The following PRSS23 variants were observed in gnomAD, a reference collection of about 807,000 sequenced individuals.
PRSS23 encodes the protein serine protease 23.
A neutral mutation model predicts 34.7 loss-of-function variants in PRSS23; 25 were observed. The observed-to-expected ratio is 0.72, with a 90% confidence interval of 0.53 to 1.01. The LOEUF (loss-of-function observed/expected upper bound fraction) is 1.01, where lower values mean the gene tolerates loss of function less well. PRSS23 is among the 50% of genes least tolerant of loss of function. The probability of loss-of-function intolerance (pLI) is 0.00; values close to 1 mark genes in which losing one functional copy is unlikely to be tolerated. For synonymous variants in PRSS23, 176 were observed against 186.6 expected, an observed-to-expected ratio of 0.94 and a Z score of 0.46; for missense variants, 445 against 475.6, an observed-to-expected ratio of 0.94 and a Z score of 0.60.
At chr11:86,907,227 G>T (rs113869541) in intron 2 of PRSS23, among the ~76,000 whole-genome samples, 1 of 152,228 alleles carries the variant, frequency 6.6e-6, no homozygotes, top group African/African-American at 2.4e-5. Flanking sequence ...TTGACTGATG[G>T]ATAATGTTGG....
intron 2 of PRSS23, among the ~76,000 whole-genome samples, chr11:86,851,142 C>T (rs1948525745): frequency 6.6e-6 from 1 of 152,186 alleles, no homozygotes; most frequent in South Asian, 2.1e-4. Context: ...AGGCACTGAA[C>T]TTCATGGTCT....
chr11:86,852,846 T>TTTTGATTG (rs1555074812), intron 2 of PRSS23, among the ~76,000 whole-genome samples: 2 of 151,906 alleles, frequency 1.3e-5, no homozygotes, highest in African/African-American at 4.8e-5. Flanking sequence ...TCACACCATG[T>TTTTGATTG]TTTGTTTGTT....
chr11:86,892,988 T>C (rs1948851451), intron 2 of PRSS23, among the ~76,000 whole-genome samples: 2 of 152,188 alleles, frequency 1.3e-5, no homozygotes, highest in African/African-American at 4.8e-5. Flanking sequence ...TCTTTGCAGA[T>C]ATAATTTAGG....
At chr11:86,875,424 C>G (rs192328994) in intron 2 of PRSS23, among the ~76,000 whole-genome samples, 36 of 152,192 alleles carry the variant, frequency 2.4e-4, no homozygotes, top group African/African-American at 8.2e-4. Context: ...GTTAGTTGAC[C>G]AGGCTCAGCA....
rs141124549 is a variant in PRSS23 at position 86,835,408 on chromosome 11, G to C, written c.206+11815G>C. On this transcript the variant is annotated intron_variant, in intron 2 of 2. Transcript: ENST00000533902. ...TGTAAGGACTCCTAGAGCTATTCCT[G>C]TTTTTTCTGTGACATATAAAGAAAA... Among the ~76,000 whole-genome samples the C allele has an allele frequency of 7.5e-3, 1,138 of 152,260 alleles. 19 individuals carry two copies. Among genetic ancestry groups the C allele is most frequent in the African/African-American group, 0.026 (1,085 of 41,558 alleles).
At chr11:86,833,671 G>A (rs1316041938) in intron 2 of PRSS23, among the ~76,000 whole-genome samples, 2 of 152,034 alleles carry the variant, frequency 1.3e-5, no homozygotes, top group Non-Finnish European at 1.5e-5. Flanking sequence ...TGCCTAATTA[G>A]CATTTTAGTA....
At chr11:86,813,798 A>T (rs2135607976), downstream of PRSS23, among the ~76,000 whole-genome samples, 1 of 152,362 alleles carries the variant, frequency 6.6e-6, no homozygotes, top group East Asian at 1.9e-4. Flanking sequence ...CCTGAAACTC[A>T]TTCATATTTG....
At position 86,808,865 on chromosome 11, in the gene PRSS23, T is replaced by C; in HGVS notation, c.*70T>C. 1 of 1,375,050 alleles carries C rather than the reference T, an allele frequency of 7.3e-7. No individual in the cohort carries two copies. 85.2% of individuals were successfully genotyped at this position (1,375,050 alleles called of 1,614,324 possible). A position where few individuals can be genotyped will look rare whatever the true frequency, so the allele number is the denominator to read the frequency against. ...ATTTTAGGAGAGGCCAAATTGTTTT[T>C]TGTCATTGGCGTGCACACGTGTGTG... On this transcript the variant is annotated 3_prime_UTR_variant, in exon 2 of 2. Coordinates refer to ENST00000280258, the MANE Select transcript of PRSS23 (RefSeq NM_007173.6).
intron 2 of PRSS23, among the ~76,000 whole-genome samples, chr11:86,913,800 A>G (rs1376814181): frequency 2.6e-5 from 4 of 151,466 alleles, no homozygotes; most frequent in Non-Finnish European, 5.9e-5. Context: ...GAAGTGTGAG[A>G]AGGGAAGTGG....
chr11:86,859,516 G>C (rs1957165709), intron 2 of PRSS23, among the ~76,000 whole-genome samples: 1 of 151,902 alleles, frequency 6.6e-6, no homozygotes, highest in Non-Finnish European at 1.5e-5. Flanking sequence ...GAGAGTTGAA[G>C]ATATTACTCC....
upstream of PRSS23, among the ~76,000 whole-genome samples, chr11:86,796,936 T>C (rs1590864335): frequency 6.6e-6 from 1 of 152,246 alleles, no homozygotes; most frequent in African/African-American, 2.4e-5. Flanking sequence ...CCCTCTTCCA[T>C]GTTCTCTAGC....
At chr11:86,803,801 C>T (rs1003479198) in intron 1 of PRSS23, among the ~76,000 whole-genome samples, 2 of 152,180 alleles carry the variant, frequency 1.3e-5, no homozygotes, top group African/African-American at 2.4e-5. Context: ...CCTCCCAGCA[C>T]TTGTTTGCTA....
intron 1 of PRSS23, among the ~76,000 whole-genome samples, chr11:86,806,245 ACATG>A (rs1948099823): frequency 6.6e-6 from 1 of 152,098 alleles, no homozygotes; most frequent in Non-Finnish European, 1.5e-5. Context: ...CAAATTACTC[ACATG>A]GTTGCATGTT....
At chr11:86,951,277 C>T in exon 3 of PRSS23, 1 of 1,614,226 alleles carries the variant, frequency 6.2e-7, no homozygotes, top group Non-Finnish European at 8.5e-7. Flanking sequence ...ACCAAATCCA[C>T]ATGCCTGAAG....
intron 2 of PRSS23, among the ~76,000 whole-genome samples, chr11:86,880,629 T>C (rs1039723366): frequency 6.6e-6 from 1 of 152,068 alleles, no homozygotes; most frequent in Non-Finnish European, 1.5e-5. Context: ...GTATTTGTCC[T>C]AATGCCCTCC....
chr11:86,899,818 G>A (rs1222232278), intron 2 of PRSS23, among the ~76,000 whole-genome samples: 16 of 146,650 alleles, frequency 1.1e-4, no homozygotes, highest in East Asian at 7.9e-4. Flanking sequence ...GTCCGGCCGC[G>A]AGACCCCATT....
At chr11:86,859,436 G>A (rs1948597182) in intron 2 of PRSS23, among the ~76,000 whole-genome samples, 1 of 151,970 alleles carries the variant, frequency 6.6e-6, no homozygotes, top group Non-Finnish European at 1.5e-5. Context: ...AAGGGGAAGA[G>A]GCTTATATTA....
chr11:86,811,783 G>T (rs1948180330), downstream of PRSS23, among the ~76,000 whole-genome samples: 1 of 152,030 alleles, frequency 6.6e-6, no homozygotes, highest in Non-Finnish European at 1.5e-5. Context: ...CCCCACAGGA[G>T]GTCTTTAATG....
chr11:86,908,697 C>G (rs1311660904), intron 2 of PRSS23, among the ~76,000 whole-genome samples: 1 of 151,900 alleles, frequency 6.6e-6, no homozygotes, highest in African/African-American at 2.4e-5. Context: ...TAATAATAAA[C>G]ATTTTTAGGT....
Sources: allele counts gnomAD v4.1 joint callset (sites outside exome capture counted in the v4.1 genomes callset), GRCh38; gene constraint gnomAD v4.1.1; transcripts MANE v1.5; gene names NCBI Gene and HGNC (gene_info 2026-07-23, HGNC 2026-07-21).